The following CDH7 variants were observed in gnomAD, a reference collection of about 807,000 sequenced individuals.
CDH7 encodes the protein cadherin-7.
In CDH7, 25 loss-of-function variants were observed where a neutral mutation model predicts 71.8. The observed-to-expected ratio is 0.35, with a 90% CI of 0.25 to 0.49. The LOEUF (loss-of-function observed/expected upper bound fraction) is 0.49, where lower values mean the gene tolerates loss of function less well. Among genes scored for constraint, CDH7 ranks in the 20% least tolerant of loss-of-function variants. The probability of loss-of-function intolerance (pLI) is 0.99; values close to 1 mark genes in which losing one functional copy is unlikely to be tolerated. For synonymous variants in CDH7, 381 were observed against 363.8 expected (o/e 1.05, Z -0.54); for missense variants, 862 against 974.6 (o/e 0.88, Z 1.54).
At chr18:65,761,696 G>A (rs778110649) in intron 1 of CDH7, among the ~76,000 whole-genome samples, 6 of 152,132 alleles carry the variant, frequency 3.9e-5, no homozygotes, top group Non-Finnish European at 5.9e-5. Context: ...TTGTGTTTTA[G>A]GGGTATGTTC....
Position 65,880,834 on chromosome 18 carries a change from A to T in CDH7, c.2298A>T (p.Gly766=). ...ACTATGACTACCTAAGTGACTGGGG[A>T]CCTCGCTTTAAACGACTCGCGGACA... is the stretch of plus-strand genomic sequence containing the variant. ...DQNYDYLSDW[G]PRFKRLADMY... is the part of the protein sequence containing the mutation. Residue 766 remains glycine (G), a synonymous_variant, in exon 12 of 12, where the codon GGA becomes GGT. Transcript: ENST00000397968. 6.2e-7 allele frequency: 1 copy of T among 1,614,080 alleles called. No homozygotes were observed. Among genetic ancestry groups the T allele is most frequent in the Non-Finnish European group, 8.5e-7 (1 of 1,179,994 alleles).
At chr18:65,825,233 A>ATTTCAAGTGGAAACCAAAATG (rs35244010) in intron 6 of CDH7, among the ~76,000 whole-genome samples, 1 of 151,938 alleles carries the variant, frequency 6.6e-6, no homozygotes, top group Non-Finnish European at 1.5e-5. Flanking sequence ...AAATAATATG[A>ATTTCAAGTGGAAACCAAAATG]TTTCAAGTGG....
intron 1 of CDH7, among the ~76,000 whole-genome samples, chr18:65,757,690 A>C (rs1005678839): frequency 6.6e-6 from 1 of 152,058 alleles, no homozygotes; most frequent in Non-Finnish European, 1.5e-5. Context: ...CTCTCCTCAG[A>C]TATAACCTGT....
At chr18:65,812,523 T>C (rs1209170413) in intron 3 of CDH7, among the ~76,000 whole-genome samples, 1 of 152,226 alleles carries the variant, frequency 6.6e-6, no homozygotes, top group Non-Finnish European at 1.5e-5. Context: ...CATCAAATAG[T>C]ATGATATAGA....
rs1914382449 is a variant in CDH7 at position 65,886,702 on chromosome 18, A to G, written c.*5808A>G. On this transcript the variant is annotated 3_prime_UTR_variant, in exon 12 of 12. Coordinates refer to ENST00000397968, the MANE Select transcript of CDH7 (RefSeq NM_004361.5). Reference sequence around the variant, plus strand: ...AGTTCTAGAGAATACAATACTTTTTAAAGTCACAGTGACATATGTGTAATT... The same window carrying G: ...AGTTCTAGAGAATACAATACTTTTTGAAGTCACAGTGACATATGTGTAATT... 1 of 152,144 alleles carries G rather than the reference A, an allele frequency of 6.6e-6. No individual in the cohort carries two copies. Among genetic ancestry groups the G allele is most frequent in the Non-Finnish European group, 1.5e-5 (1 of 68,008 alleles). 9.4% of individuals were successfully genotyped at this position (152,144 alleles called of 1,614,324 possible). A position where few individuals can be genotyped will look rare whatever the true frequency, so the allele number is the denominator to read the frequency against.
At chr18:65,786,656 C>T (rs906225677) in intron 2 of CDH7, among the ~76,000 whole-genome samples, 4 of 152,058 alleles carry the variant, frequency 2.6e-5, no homozygotes, top group Non-Finnish European at 5.9e-5. Flanking sequence ...GAGATAATTT[C>T]CTTGGCTGCT....
chr18:65,784,113 AT>A (rs72393865), intron 2 of CDH7, among the ~76,000 whole-genome samples: 6,725 of 106,668 alleles, frequency 0.063, 433 homozygotes, highest in African/African-American at 0.2. Context: ...ACCCACAGCT[AT>A]TTTTTTTTTT....
At chr18:65,789,579 G>A (rs554013652) in intron 2 of CDH7, among the ~76,000 whole-genome samples, 2 of 152,098 alleles carry the variant, frequency 1.3e-5, no homozygotes, top group South Asian at 4.2e-4. Context: ...CATTTGGGAT[G>A]GTGGGTAAGA....
chr18:65,775,987 A>G (rs147341394), intron 2 of CDH7, among the ~76,000 whole-genome samples: 1 of 152,300 alleles, frequency 6.6e-6, no homozygotes, highest in East Asian at 1.9e-4. Context: ...TTAAATGTTA[A>G]ATAAGAGTTA....
At chr18:65,843,564 C>G (rs1426613560) in intron 6 of CDH7, among the ~76,000 whole-genome samples, 3 of 152,120 alleles carry the variant, frequency 2.0e-5, no homozygotes, top group African/African-American at 7.2e-5. Flanking sequence ...CAAAGACTGG[C>G]ATCTGTCTGT....
chr18:65,835,082 T>G (rs1028909452), intron 6 of CDH7, among the ~76,000 whole-genome samples: 5 of 152,136 alleles, frequency 3.3e-5, no homozygotes, highest in African/African-American at 4.8e-5. Context: ...TGGCTGGCTG[T>G]CTGCCTGGAA....
At position 65,873,768 on chromosome 18, in the gene CDH7, A is replaced by G. The variant is rs1362730553; in HGVS notation, c.1865-6633A>G. ...ATAGATGATGGTGTTTTTGGTAAAG[A>G]CTTACTTATCCCTCAAGTCACATTT... On this transcript the variant is annotated intron_variant, in intron 11 of 11. Transcript: ENST00000397968. Among the ~76,000 whole-genome samples, 3 of 152,152 alleles carry G rather than the reference A, an allele frequency of 2.0e-5. No homozygotes were observed. The East Asian group carries it at 5.8e-4, about 29-fold the overall frequency.
At chr18:65,875,542 G>C (rs1337278355) in intron 11 of CDH7, among the ~76,000 whole-genome samples, 1 of 152,018 alleles carries the variant, frequency 6.6e-6, no homozygotes, top group Non-Finnish European at 1.5e-5. Flanking sequence ...ATTTATCTTG[G>C]TTTTGGGAGA....
chr18:65,784,591 G>C (rs1286865318), intron 2 of CDH7, among the ~76,000 whole-genome samples: 1 of 152,240 alleles, frequency 6.6e-6, no homozygotes, highest in Admixed American at 6.5e-5. Flanking sequence ...AGGAGAAAAA[G>C]TCCTAGAACA....
intron 2 of CDH7, among the ~76,000 whole-genome samples, chr18:65,787,447 C>T (rs1016794143): frequency 6.6e-6 from 1 of 152,154 alleles, no homozygotes; most frequent in African/African-American, 2.4e-5. Flanking sequence ...CAAGATTCAA[C>T]AGGCGTTTAC....
At chr18:65,839,534 G>A (rs1287449238) in intron 6 of CDH7, among the ~76,000 whole-genome samples, 1 of 152,100 alleles carries the variant, frequency 6.6e-6, no homozygotes, top group Non-Finnish European at 1.5e-5. Flanking sequence ...GTGGTGGTTG[G>A]GGGGCGGACA....
At chr18:65,767,003 G>T (rs370771973) in intron 2 of CDH7, among the ~76,000 whole-genome samples, 2 of 148,744 alleles carry the variant, frequency 1.3e-5, no homozygotes, top group African/African-American at 4.9e-5. Context: ...CCAGCCGATC[G>T]CTGTGCCCCA....
In CDH7 at chr18:65,857,985, G is replaced by T. The variant is rs1160321264; in HGVS notation, c.1372+33G>T. On this transcript the variant is annotated intron_variant, in intron 8 of 11. Transcript: ENST00000397968. ...GTGAGGCTTAAAACTAAATTAAGATGGAGGACAGTGAGTGGAGAATCGATT... is the reference window on the plus strand; with the variant it reads ...GTGAGGCTTAAAACTAAATTAAGATTGAGGACAGTGAGTGGAGAATCGATT... 2.5e-6 allele frequency: 4 copies of T among 1,603,360 alleles called. No homozygotes were observed. In the African/African-American group the frequency reaches 5.4e-5, roughly 21 times the overall value.
At chr18:65,823,223 G>A (rs967372700) in intron 5 of CDH7, among the ~76,000 whole-genome samples, 8 of 151,628 alleles carry the variant, frequency 5.3e-5, no homozygotes, top group Non-Finnish European at 1.0e-4. Flanking sequence ...TACAAGAAAT[G>A]GTATCTCCTG....
Sources: gnomAD v4.1 joint callset for allele counts (sites outside exome capture counted in the v4.1 genomes callset) on GRCh38, gnomAD v4.1.1 for gene constraint, MANE v1.5 for transcripts, NCBI Gene and HGNC (gene_info 2026-07-23, HGNC 2026-07-21) for gene names.